ELP2: variants seen among roughly 807,000 people sequenced by gnomAD.
ELP2 encodes the protein elongator acetyltransferase complex subunit 2.
A neutral mutation model predicts 119.2 loss-of-function variants in ELP2; 90 were observed. The ratio of observed to expected loss-of-function variants is 0.75; its 90% CI spans 0.64 to 0.90. The LOEUF is 0.90. Among genes scored for constraint, ELP2 ranks in the 40% least tolerant of loss-of-function variants. The pLI, the probability that ELP2 is intolerant of heterozygous loss-of-function variation, is 0.00. For synonymous variants in ELP2, 339 were observed against 331.0 expected, an observed-to-expected ratio of 1.02 and a Z score of -0.26; for missense variants, 921 against 967.8, an observed-to-expected ratio of 0.95 and a Z score of 0.64.
rs1483111530 is a variant in ELP2, at chr18:36,174,848, C to T, written c.*207C>T. On this transcript the variant is annotated 3_prime_UTR_variant, in exon 22 of 22. Transcript: ENST00000358232. ...AGTAGCTGGGACTAGAGGCACACCA[C>T]CAATTCCGGCTAATTTTTGTATTTT... 1.8e-5 allele frequency: 10 copies of T among 541,762 alleles called. No individual in the cohort carries two copies. Among genetic ancestry groups the T allele is most frequent in the Non-Finnish European group, 1.3e-5 (4 of 305,414 alleles). The allele number at this position is 541,762 out of a possible 1,614,324, so 33.6% of individuals were successfully genotyped here.
chr18:36,133,915 T>C (rs1316590625), intron 2 of ELP2, among the ~76,000 whole-genome samples: 1 of 131,414 alleles, frequency 7.6e-6, no homozygotes, highest in Non-Finnish European at 1.6e-5. Flanking sequence ...TTTTTTTTTT[T>C]TTTTTTTTTT....
intron 18 of ELP2, among the ~76,000 whole-genome samples, chr18:36,166,352 C>T (rs554176856): frequency 0.011 from 373 of 32,666 alleles, 7 homozygotes; most frequent in African/African-American, 0.04. Context: ...TTTTTTCAGA[C>T]GGAGTTTCCC....
chr18:36,153,921 A>G (rs1181371355), intron 11 of ELP2, among the ~76,000 whole-genome samples: 1 of 152,082 alleles, frequency 6.6e-6, no homozygotes, highest in East Asian at 1.9e-4. Flanking sequence ...TTTAAAAGCC[A>G]AACACTGCCC....
At chr18:36,138,105 C>T (rs1375819653) in intron 3 of ELP2, 165 bp from the exon 4 acceptor site, 1 of 635,990 alleles carries the variant, frequency 1.6e-6, no homozygotes, top group East Asian at 2.8e-5. Flanking sequence ...AGGGCATGCA[C>T]ATTTTGTGTG....
At chr18:36,143,639 C>T (rs2090111033) in intron 8 of ELP2, among the ~76,000 whole-genome samples, 2 of 151,628 alleles carry the variant, frequency 1.3e-5, no homozygotes, top group South Asian at 4.2e-4. Context: ...TCAAATGATC[C>T]TTCCACCTTG....
rs779369865 is a variant in ELP2 at position 36,145,057 on chromosome 18, A to G, written c.892+23A>G. On this transcript the variant is annotated intron_variant, in intron 9 of 21. Coordinates refer to ENST00000358232, the MANE Select transcript of ELP2 (RefSeq NM_018255.4). ...AAGGTAGGAAGAAAACCATACACAT[A>G]TCCCTTACTCCAGTTAAATCTTATG... The G allele has an allele frequency of 5.8e-6, 9 of 1,552,386 alleles. No homozygotes were observed. In the South Asian group the frequency reaches 1.0e-4, roughly 17 times the overall value.
chr18:36,146,397 TTAAA>T lies in ELP2; in HGVS notation c.1125+21_1125+24del. 1 of 1,613,278 alleles carries T rather than the reference TTAAA, an allele frequency of 6.2e-7. No homozygotes were observed. Among genetic ancestry groups the T allele is most frequent in the East Asian group, 2.2e-5 (1 of 44,852 alleles). Reference sequence around the variant, plus strand: ...AGTTAACCCAGTAAGAAAAGAGTGTTTAAATAAAGCATTTCTAATCAAATAGAGT... The same window carrying T: ...AGTTAACCCAGTAAGAAAAGAGTGTTTAAAGCATTTCTAATCAAATAGAGT... On this transcript the variant is annotated intron_variant, in intron 11 of 21. Transcript: ENST00000358232.
rs2091271130 is a variant in ELP2 at position 36,178,496 on chromosome 18, C to G, written c.*3855C>G. ...GTATGAACCTTGTTTGCCTCTTGAT[C>G]TGAACTAGCCAATCAATCTTGTAAA... On this transcript the variant is annotated 3_prime_UTR_variant, in exon 22 of 22. Transcript: ENST00000358232. 1 of 152,198 alleles carries G rather than the reference C, an allele frequency of 6.6e-6. No homozygotes were observed. Among genetic ancestry groups the G allele is most frequent in the East Asian group, 1.9e-4 (1 of 5,194 alleles). 9.4% of individuals were successfully genotyped at this position (152,198 alleles called of 1,614,324 possible). A position where few individuals can be genotyped will look rare whatever the true frequency, so the allele number is the denominator to read the frequency against.
chr18:36,146,080 A>G, intron 10 of ELP2, 32 bp downstream of exon 10: 22 of 1,606,506 alleles, frequency 1.4e-5, no homozygotes, highest in Non-Finnish European at 1.8e-5. Context: ...GGAACAGAAA[A>G]TTAAGTTTTG....
chr18:36,156,405 A>T, intron 12 of ELP2, 61 bp from the exon 13 acceptor site: 1 of 1,476,084 alleles, frequency 6.8e-7, no homozygotes, highest in South Asian at 1.1e-5. Flanking sequence ...TTCATCTAAT[A>T]ATTTGCTTAT....
chr18:36,167,137 T>G lies in ELP2; in HGVS notation c.1991T>G (p.Ile664Ser). Reference protein sequence around the residue: ...VFSLFAFTNKITSVHSRIIWS... With the variant: ...VFSLFAFTNKSTSVHSRIIWS... ...AGTCTTTTTGCCTTCACCAACAAAA[T>G]TACTTCTGTGCACAGTAGAATTATT... The change falls in exon 19 of 22, where the codon ATT becomes AGT. Residue 664 changes from isoleucine (I) to serine (S), a missense_variant. Ile to Ser is a moderately radical substitution (Grantham distance 142). Transcript: ENST00000358232. 1 of 1,602,304 alleles carries G rather than the reference T, an allele frequency of 6.2e-7. No individual in the cohort carries two copies. Among genetic ancestry groups the G allele is most frequent in the Non-Finnish European group, 8.5e-7 (1 of 1,173,990 alleles).
chr18:36,167,170 G>T lies in ELP2; in HGVS notation c.2024G>T (p.Cys675Phe). ...TSVHSRIIWS[C>F]DWSPDSKYFF... ...GTGCACAGTAGAATTATTTGGTCTT[G>T]TGATTGGAGTCCTGACAGCAAGTAT... The change falls in exon 19 of 22, where the codon TGT becomes TTT. Residue 675 changes from cysteine to phenylalanine, a missense_variant. Coordinates refer to ENST00000358232, the MANE Select transcript of ELP2 (RefSeq NM_018255.4). 6.3e-7 allele frequency: 1 copy of T among 1,599,202 alleles called. No individual in the cohort carries two copies. Among genetic ancestry groups the T allele is most frequent in the Non-Finnish European group, 8.5e-7 (1 of 1,171,992 alleles).
At chr18:36,133,721 T>C (rs80020878) in intron 2 of ELP2, among the ~76,000 whole-genome samples, 8,267 of 84,032 alleles carry the variant, frequency 0.098, 342 homozygotes, top group East Asian at 0.23. Context: ...TATTTACTTA[T>C]TTATTTATTT....
Position 36,141,215 on chromosome 18 carries a change from T to A in ELP2, c.588+14T>A. On this transcript the variant is annotated intron_variant, in intron 6 of 21. Coordinates refer to ENST00000358232, the MANE Select transcript of ELP2 (RefSeq NM_018255.4). ...CAAAATGATCAGGTAATAATGTTTA[T>A]ATTAAGAGGCTGGAATTATATTCTG... 6.3e-7 allele frequency: 1 copy of A among 1,591,124 alleles called. No individual in the cohort carries two copies. The highest frequency in any genetic ancestry group is 8.6e-7 in the Non-Finnish European group (1 of 1,159,244).
Position 36,129,941 on chromosome 18 carries a change from C to T in ELP2, c.8C>T (p.Ala3Val), listed in dbSNP as rs746715148. 10 of 1,614,106 alleles carry T rather than the reference C, an allele frequency of 6.2e-6. No homozygotes were observed. Among genetic ancestry groups the T allele is most frequent in the South Asian group, 1.1e-5 (1 of 91,094 alleles). Residue 3 changes from alanine to valine, a missense_variant, in exon 1 of 22, where the codon GCA (alanine) becomes GTA (valine). Transcript: ENST00000358232. ...GGCTGACCAGTTGGCGACATGGTGG[C>T]ACCCGTGCTGGAGACTTCTCACGTG... is the stretch of plus-strand genomic sequence containing the variant. MV[A>V]PVLETSHVFC...
intron 5 of ELP2, 146 bp downstream of exon 5, chr18:36,139,018 A>C (rs2089930245): frequency 1.4e-6 from 1 of 717,470 alleles, no homozygotes; most frequent in South Asian, 1.6e-5. Context: ...TTTCCTTATA[A>C]TATTCAAATG....
intron 1 of ELP2, 138 bp downstream of exon 1, chr18:36,130,209 G>C (rs910601569): frequency 5.4e-6 from 6 of 1,110,860 alleles, no homozygotes; most frequent in African/African-American, 1.5e-5. Flanking sequence ...TTTGGGCTCG[G>C]AGTCTCCAGT....
chr18:36,140,405 G>A (rs910757157), intron 5 of ELP2, among the ~76,000 whole-genome samples: 3 of 152,188 alleles, frequency 2.0e-5, no homozygotes, highest in Non-Finnish European at 2.9e-5. Context: ...GGAGTGCAGT[G>A]GTGCAATCTC....
intron 1 of ELP2, among the ~76,000 whole-genome samples, chr18:36,131,491 C>T (rs1310204154): frequency 6.6e-6 from 1 of 152,220 alleles, no homozygotes; most frequent in Admixed American, 6.5e-5. Context: ...TGGGAGGACC[C>T]TAAGAGGGGC....
Sources: allele counts gnomAD v4.1 joint callset (sites outside exome capture counted in the v4.1 genomes callset), GRCh38; gene constraint gnomAD v4.1.1; transcripts MANE v1.5; gene names NCBI Gene and HGNC (gene_info 2026-07-23, HGNC 2026-07-21).